Variants in CCNF observed in about 807,000 individuals in gnomAD.
The protein encoded by CCNF is cyclin F.
In CCNF, 30 loss-of-function variants were observed where a neutral mutation model predicts 85.4. The ratio of observed to expected loss-of-function variants is 0.35; its 90% CI spans 0.26 to 0.48. The LOEUF is 0.48. Among genes scored for constraint, CCNF ranks in the 20% least tolerant of loss-of-function variants. The pLI is 0.99. For missense variants in CCNF, 919 were observed against 1,010.4 expected (o/e 0.91, Z 1.23); for synonymous variants, 439 against 425.1 (o/e 1.03, Z -0.40).
chr16:2,453,637 T>C lies in CCNF; in HGVS notation c.1715+100T>C, dbSNP rs571101509. 67 of 1,481,370 alleles carry C rather than the reference T, an allele frequency of 4.5e-5. No individual in the cohort carries two copies. The East Asian group carries it at 1.4e-3, about 31-fold the overall frequency. 91.8% of individuals were successfully genotyped at this position (1,481,370 alleles called of 1,614,324 possible). On this transcript the variant is annotated intron_variant, in intron 15 of 16. Transcript: ENST00000397066. The surrounding 1 kb of genome is among the most constrained non-coding windows in gnomAD (Gnocchi z 5.6). ...CTCACACAGAGAGGCCCCCAAGGCTTGTCAGGGGAGCAGCAGATCCCAGGA... is the reference window on the plus strand; with the variant it reads ...CTCACACAGAGAGGCCCCCAAGGCTCGTCAGGGGAGCAGCAGATCCCAGGA...
intron 5 of CCNF, chr16:2,437,654 C>A (rs181967550): frequency 2.5e-5 from 8 of 324,594 alleles, no homozygotes; most frequent in Non-Finnish European, 4.6e-5. Flanking sequence ...TTTGGGAGGC[C>A]GAGGCTGGAG....
chr16:2,442,891 T>C (rs1185608833), intron 8 of CCNF, among the ~76,000 whole-genome samples: 2 of 81,274 alleles, frequency 2.5e-5, no homozygotes, highest in African/African-American at 1.0e-4. Flanking sequence ...TAATTATATA[T>C]TATATATTAT....
intron 8 of CCNF, among the ~76,000 whole-genome samples, chr16:2,441,937 T>TTATATATATATATATA (rs55737759): frequency 3.3e-5 from 2 of 60,148 alleles, no homozygotes; most frequent in Non-Finnish European, 5.6e-5. Flanking sequence ...TATTAGCAAA[T>TTATATATATATATATA]TATATATATA....
intron 11 of CCNF, 52 bp from the exon 12 acceptor site, chr16:2,449,230 C>T: frequency 1.3e-6 from 2 of 1,593,214 alleles, no homozygotes; most frequent in Non-Finnish European, 1.7e-6. Flanking sequence ...TGCGGCACTG[C>T]ACCAAGGAGC....
intron 7 of CCNF, 95 bp from the exon 8 acceptor site, chr16:2,439,654 T>G: frequency 9.4e-7 from 1 of 1,065,682 alleles, no homozygotes; most frequent in Admixed American, 1.9e-5. Context: ...AGAGAAGAGG[T>G]GGGAAGTTAG....
At chr16:2,436,403 G>C (rs2065291442) in intron 4 of CCNF, 1 of 152,666 alleles carries the variant, frequency 6.6e-6, no homozygotes. Flanking sequence ...CCAGTTAACT[G>C]CTTATCTGCT....
At chr16:2,436,960 G>A (rs910044806) in intron 4 of CCNF, 169 bp from the exon 5 acceptor site, 9 of 518,108 alleles carry the variant, frequency 1.7e-5, no homozygotes, top group Non-Finnish European at 3.1e-5. Context: ...ATGAAGTAGG[G>A]GGAGAAAAGA....
rs2065438739 is a variant in CCNF at position 2,457,850 on chromosome 16, A to AAT, written c.*830_*831insAT. ...ACCTGCAAAACAAAAATCTTACTCC[A>AAT]GCCCCTCAATGCCATCCTGACACAC... On this transcript the variant is annotated 3_prime_UTR_variant, in exon 17 of 17. Coordinates refer to ENST00000397066, the MANE Select transcript of CCNF (RefSeq NM_001761.3). 1 of 152,234 alleles carries AAT rather than the reference A, an allele frequency of 6.6e-6. No individual in the cohort carries two copies. The highest frequency in any genetic ancestry group is 1.9e-4 in the East Asian group (1 of 5,202). 9.4% of individuals were successfully genotyped at this position (152,234 alleles called of 1,614,324 possible).
chr16:2,445,804 C>T (rs565092752), intron 10 of CCNF, among the ~76,000 whole-genome samples, 182 bp downstream of exon 10: 73 of 151,122 alleles, frequency 4.8e-4, no homozygotes, highest in African/African-American at 1.7e-3. Flanking sequence ...CTTGGCTCAC[C>T]GCAACCTCTG....
At chr16:2,438,763 G>A (rs1424878796) in intron 6 of CCNF, among the ~76,000 whole-genome samples, 1 of 151,822 alleles carries the variant, frequency 6.6e-6, no homozygotes, top group Non-Finnish European at 1.5e-5. Context: ...TTGGGAGGCC[G>A]AGGCGGGTGG....
At position 2,435,984 on chromosome 16, in the gene CCNF, G is replaced by A. The variant is rs2065289075; in HGVS notation, c.346+111G>A. ...TTCAGTTGCTGTCCTTGCTCTATCC[G>A]ATGGCCTGCCTCCCCATTCCCTCTC... On this transcript the variant is annotated intron_variant, in intron 4 of 16. Transcript: ENST00000397066. The A allele has an allele frequency of 1.2e-5, 8 of 687,864 alleles. 1 individual carries two copies. Among genetic ancestry groups the A allele is most frequent in the South Asian group, 1.9e-5 (1 of 51,782 alleles). The allele number at this position is 687,864 out of a possible 1,614,324, so 42.6% of individuals were successfully genotyped here.
intron 8 of CCNF, among the ~76,000 whole-genome samples, chr16:2,441,940 TA>T (rs1567385651): frequency 1.5e-4 from 4 of 25,988 alleles, no homozygotes; most frequent in Non-Finnish European, 3.5e-4. Context: ...TAGCAAATTA[TA>T]TATATATATA....
chr16:2,435,646 T>C (rs12933884), intron 3 of CCNF, among the ~76,000 whole-genome samples, 160 bp from the exon 4 acceptor site: 21 of 18,672 alleles, frequency 1.1e-3, no homozygotes, highest in South Asian at 1.7e-3. Context: ...TGCACACACA[T>C]ATATATATGC....
intron 5 of CCNF, chr16:2,437,718 G>A (rs1412580002): frequency 2.5e-5 from 8 of 317,530 alleles, no homozygotes; most frequent in Middle Eastern, 1.0e-3. Flanking sequence ...ATGAAATCTC[G>A]AAACCTCGTC....
At chr16:2,454,923 G>T (rs2065416771) in intron 15 of CCNF, among the ~76,000 whole-genome samples, 1 of 152,140 alleles carries the variant, frequency 6.6e-6, no homozygotes, top group African/African-American at 2.4e-5. Context: ...AGCTGGGTGT[G>T]ATGGCGGGCA....
chr16:2,433,751 A>G (rs573995838), intron 3 of CCNF, among the ~76,000 whole-genome samples: 25 of 151,948 alleles, frequency 1.6e-4, no homozygotes, highest in Admixed American at 3.9e-4. Flanking sequence ...ACGCCCATCT[A>G]ATTTTTGTAT....
chr16:2,455,773 A>T (rs1253560750), intron 16 of CCNF, among the ~76,000 whole-genome samples: 1 of 152,132 alleles, frequency 6.6e-6, no homozygotes, highest in Non-Finnish European at 1.5e-5. Flanking sequence ...AGCTGCTCCC[A>T]CCACACAGGG....
chr16:2,439,384 T>C lies in CCNF; in HGVS notation c.626T>C (p.Leu209Pro). The C allele has an allele frequency of 1.2e-6, 2 of 1,609,744 alleles. No homozygotes were observed. The highest frequency in any genetic ancestry group is 1.7e-6 in the Non-Finnish European group (2 of 1,178,412). ...GAGAAGCAGCAGCAGGCCCATGACC[T>C]GTTTGAGGAGGCTGCTCATCAGGGA... ...DEEKQQQAHDLFEEAAHQGCL... is the reference protein window; with the variant it reads ...DEEKQQQAHDPFEEAAHQGCL... The change falls in exon 7 of 17, where the codon CTG becomes CCG. Residue 209 changes from leucine to proline, a missense_variant. By Grantham distance (98) the Leu-to-Pro change is moderately conservative. Coordinates refer to ENST00000397066, the MANE Select transcript of CCNF (RefSeq NM_001761.3).
In CCNF at chr16:2,452,298, G is replaced by A. The variant is rs2065399418; in HGVS notation, c.1488-912G>A. 6.6e-6 allele frequency among the ~76,000 whole-genome samples: 1 copy of A among 152,192 alleles called. No individual in the cohort carries two copies. Among genetic ancestry groups the A allele is most frequent in the African/African-American group, 2.4e-5 (1 of 41,444 alleles). On this transcript the variant is annotated intron_variant, in intron 13 of 16. Coordinates refer to ENST00000397066, the MANE Select transcript of CCNF (RefSeq NM_001761.3). The surrounding 1 kb of genome is among the most constrained non-coding windows in gnomAD (Gnocchi z 4.1). ...GCTGTGCTCCAGCCACAGGGGACCT[G>A]GTGGCATCTCCCGGGCTTTGGCATG...
Sources: allele counts gnomAD v4.1 joint callset (sites outside exome capture counted in the v4.1 genomes callset), GRCh38; gene constraint gnomAD v4.1.1; non-coding constraint Gnocchi (gnomAD v3.1); transcripts MANE v1.5; gene names NCBI Gene and HGNC (gene_info 2026-07-23, HGNC 2026-07-21).